Variants in ITPR1 observed in about 807,000 individuals in gnomAD.
ITPR1 encodes the protein inositol 1,4,5-trisphosphate receptor type 1.
Under a neutral mutation model 318.4 loss-of-function variants are expected in ITPR1, and 96 were observed. The ratio of observed to expected loss-of-function variants is 0.30; its 90% CI spans 0.26 to 0.36. The LOEUF is 0.36. Among genes scored for constraint, ITPR1 ranks in the 10% least tolerant of loss-of-function variants. The pLI is 1.00. For synonymous variants in ITPR1, 1,312 were observed against 1,289.9 expected, an observed-to-expected ratio of 1.02 and a Z score of -0.37; for missense variants, 2,440 against 3,460.2, an observed-to-expected ratio of 0.71 and a Z score of 7.40.
chr3:4,613,810 G>T (rs561318797), intron 4 of ITPR1, among the ~76,000 whole-genome samples: 22 of 152,052 alleles, frequency 1.4e-4, no homozygotes, highest in Non-Finnish European at 2.6e-4. Flanking sequence ...ATATATGCAT[G>T]TGTATACAGA....
rs74724963 is a variant in ITPR1 at position 4,612,345 on chromosome 3, A to T, written c.164-15418A>T. Among the ~76,000 whole-genome samples, 375 of 152,026 alleles carry T rather than the reference A, an allele frequency of 2.5e-3. 1 individual carries two copies. Among genetic ancestry groups the T allele is most frequent in the African/African-American group, 8.3e-3 (343 of 41,464 alleles). On this transcript the variant is annotated intron_variant, in intron 4 of 61. Coordinates refer to ENST00000649015, the MANE Select transcript of ITPR1 (RefSeq NM_001378452.1). ...CTAAAGTGCTAGGATTACAGGCGTG[A>T]GCTGCCGCACCTGGCCACTATATCA... is the stretch of plus-strand genomic sequence containing the variant.
intron 44 of ITPR1, among the ~76,000 whole-genome samples, chr3:4,744,376 G>T (rs752047889): frequency 1.3e-5 from 2 of 152,178 alleles, no homozygotes; most frequent in African/African-American, 4.8e-5. Flanking sequence ...AGTGACTTCC[G>T]AGTGTGAGAT....
intron 10 of ITPR1, among the ~76,000 whole-genome samples, chr3:4,650,355 G>A (rs569545441): frequency 1.2e-4 from 18 of 152,088 alleles, no homozygotes; most frequent in Admixed American, 8.5e-4. Context: ...GTGTGTCAGC[G>A]TCCCAGTTCT....
chr3:4,501,889 T>G (rs551713556), intron 2 of ITPR1, among the ~76,000 whole-genome samples: 1 of 152,352 alleles, frequency 6.6e-6, no homozygotes, highest in East Asian at 1.9e-4. Context: ...TTATCATACT[T>G]TCTGACCTGT....
chr3:4,832,972 G>A (rs1394035829), intron 60 of ITPR1, among the ~76,000 whole-genome samples: 1 of 152,224 alleles, frequency 6.6e-6, no homozygotes, highest in African/African-American at 2.4e-5. Flanking sequence ...TAGGGCCTCC[G>A]TGCAGCTCCA....
intron 4 of ITPR1, among the ~76,000 whole-genome samples, chr3:4,539,851 G>A (rs990037388): frequency 5.9e-5 from 9 of 152,176 alleles, no homozygotes; most frequent in Admixed American, 5.9e-4. Context: ...TTACCAGCAA[G>A]AGGGCTGTCA....
intron 4 of ITPR1, among the ~76,000 whole-genome samples, chr3:4,626,445 C>G (rs1054252012): frequency 6.6e-6 from 1 of 152,084 alleles, no homozygotes; most frequent in Non-Finnish European, 1.5e-5. Context: ...GTCTGGATGG[C>G]TTTTTCCAGA....
At chr3:4,783,301 G>T (rs1202939811) in intron 50 of ITPR1, among the ~76,000 whole-genome samples, 2 of 152,066 alleles carry the variant, frequency 1.3e-5, no homozygotes, top group East Asian at 3.9e-4. Flanking sequence ...CTTTCGGTGG[G>T]TAGGGGCAGG....
chr3:4,659,384 T>C (rs2093783585), intron 13 of ITPR1, among the ~76,000 whole-genome samples: 1 of 152,182 alleles, frequency 6.6e-6, no homozygotes, highest in Admixed American at 6.5e-5. Context: ...TTGTCTTAAA[T>C]AATTGTTGTA....
At chr3:4,613,122 A>G (rs2092231602) in intron 4 of ITPR1, among the ~76,000 whole-genome samples, 1 of 152,214 alleles carries the variant, frequency 6.6e-6, no homozygotes, top group Admixed American at 6.5e-5. Flanking sequence ...CAATATGTGT[A>G]AGATGTACGT....
At position 4,768,813 on chromosome 3, in the gene ITPR1, A is replaced by G. The variant is rs899496536; in HGVS notation, c.5979+49A>G. On this transcript the variant is annotated intron_variant, in intron 46 of 61. Transcript: ENST00000649015. ...TGGAGGGAGCTCGGGAAAGGCTGCC[A>G]AGGCCTGCCTTCCTCTGATGGTTCA... The G allele has an allele frequency of 3.8e-6, 6 of 1,562,776 alleles. 1 individual carries two copies. In the Admixed American group the frequency reaches 8.7e-5, roughly 23 times the overall value.
intron 4 of ITPR1, among the ~76,000 whole-genome samples, chr3:4,552,213 T>G (rs2125000720): frequency 6.6e-6 from 1 of 152,352 alleles, no homozygotes; most frequent in Non-Finnish European, 1.5e-5. Flanking sequence ...CAATCAATTC[T>G]GCAGCAGACA....
rs3816252 is a variant in ITPR1 at position 4,814,746 on chromosome 3, G to A, written c.7701+184G>A. 0.37 allele frequency: 233,858 copies of A among 638,996 alleles called. 43,913 individuals are homozygous for A. The highest frequency in any genetic ancestry group is 0.5 in the East Asian group (18,118 of 36,358). The allele number at this position is 638,996 out of a possible 1,614,324, so 39.6% of individuals were successfully genotyped here. On this transcript the variant is annotated intron_variant, in intron 58 of 61. Transcript: ENST00000649015. ...CTATCACGTGAGGTGGTGCCGCAAA[G>A]TCAGCTGCGTGGAAAGGGTTGGCTT...
intron 53 of ITPR1, 48 bp from the exon 54 acceptor site, chr3:4,800,377 C>T (rs1368094812): frequency 1.3e-6 from 2 of 1,588,524 alleles, no homozygotes; most frequent in Admixed American, 3.6e-5. Context: ...GTCCCCTGTA[C>T]TCAGTGAAGG....
intron 44 of ITPR1, among the ~76,000 whole-genome samples, chr3:4,758,068 G>A (rs972286008): frequency 3.3e-5 from 5 of 152,132 alleles, no homozygotes; most frequent in African/African-American, 1.2e-4. Context: ...TCACTGTTTG[G>A]CAGCCACATT....
At chr3:4,632,692 C>G (rs1014857462) in intron 5 of ITPR1, among the ~76,000 whole-genome samples, 2 of 152,072 alleles carry the variant, frequency 1.3e-5, no homozygotes, top group Non-Finnish European at 2.9e-5. Context: ...AACCTGTGCT[C>G]TATATGTTAT....
intron 33 of ITPR1, among the ~76,000 whole-genome samples, chr3:4,694,792 A>G (rs912202769): frequency 2.0e-5 from 3 of 152,248 alleles, no homozygotes; most frequent in Non-Finnish European, 4.4e-5. Flanking sequence ...GTCATTAGTC[A>G]GTACCTGACC....
At chr3:4,760,041 T>C (rs1449356353) in intron 44 of ITPR1, among the ~76,000 whole-genome samples, 1 of 152,272 alleles carries the variant, frequency 6.6e-6, no homozygotes, top group Non-Finnish European at 1.5e-5. Context: ...TTGTGTCTTC[T>C]GCTTTCCCAG....
chr3:4,841,951 CTG>C (rs2051376963), intron 61 of ITPR1, among the ~76,000 whole-genome samples: 1 of 152,180 alleles, frequency 6.6e-6, no homozygotes, highest in African/African-American at 2.4e-5. Context: ...TAGAAAATAA[CTG>C]TGATTACTAG....
Sources: allele counts gnomAD v4.1 joint callset (sites outside exome capture counted in the v4.1 genomes callset), GRCh38; gene constraint gnomAD v4.1.1; transcripts MANE v1.5; gene names NCBI Gene and HGNC (gene_info 2026-07-23, HGNC 2026-07-21).